IQSEC1: variants seen among roughly 807,000 people sequenced by gnomAD.
IQSEC1 encodes IQ motif and Sec7 domain ArfGEF 1.
IQSEC1 carries 31 observed loss-of-function variants against 91.0 expected under a neutral mutation model. That is an observed-to-expected ratio of 0.34 (90% CI 0.26 to 0.46). IQSEC1 has a LOEUF of 0.46. Ranked by LOEUF, IQSEC1 falls within the 20% of genes least tolerant of loss-of-function variation. The pLI, the probability that IQSEC1 is intolerant of heterozygous loss-of-function variation, is 1.00. For missense variants in IQSEC1, 1,388 were observed against 1,575.6 expected, an observed-to-expected ratio of 0.88 and a Z score of 2.02; for synonymous variants, 699 against 662.6, an observed-to-expected ratio of 1.05 and a Z score of -0.84.
rs1559643838 is a variant in IQSEC1, at chr3:12,936,049, C to G, written c.967G>C (p.Gly323Arg). 6.2e-7 allele frequency: 1 copy of G among 1,604,934 alleles called. No homozygotes were observed. The highest frequency in any genetic ancestry group is 8.5e-7 in the Non-Finnish European group (1 of 1,179,754). The change falls in exon 3 of 14, where the codon GGG (glycine) becomes CGG (arginine). Residue 323 changes from glycine (G) to arginine (R), a missense_variant. Gly to Arg is a moderately radical substitution (Grantham distance 125, BLOSUM62 -2). Transcript: ENST00000613206. ...STESDLRLRA[G>R]GAAPDYWALA... ...GCCCAGTAGTCTGGGGCTGCGCCCC[C>G]AGCCCGTAGCCGCAGGTCCGACTCG...
chr3:13,194,403 G>A (rs536613354), intron 1 of IQSEC1, among the ~76,000 whole-genome samples: 9 of 152,076 alleles, frequency 5.9e-5, no homozygotes, highest in Non-Finnish European at 1.0e-4. Context: ...ACTGGGCTCT[G>A]GGGACACCGC....
chr3:13,270,440 C>T (rs1404414543), intron 1 of IQSEC1, among the ~76,000 whole-genome samples: 2 of 152,176 alleles, frequency 1.3e-5, no homozygotes, highest in Admixed American at 1.3e-4. Flanking sequence ...AGCTTCTGGG[C>T]TGGTTCCTTG....
At chr3:13,256,625 A>T (rs1274231279) in intron 1 of IQSEC1, among the ~76,000 whole-genome samples, 1 of 152,054 alleles carries the variant, frequency 6.6e-6, no homozygotes, top group Non-Finnish European at 1.5e-5. Flanking sequence ...GGGATATCTC[A>T]CTCAACCAAA....
At chr3:13,144,776 G>C (rs911977872) in intron 2 of IQSEC1, among the ~76,000 whole-genome samples, 1 of 152,246 alleles carries the variant, frequency 6.6e-6, no homozygotes, top group African/African-American at 2.4e-5. Context: ...GAAAAGGCCA[G>C]GACTGATAGC....
chr3:13,034,681 C>A (rs534603136), intron 1 of IQSEC1, among the ~76,000 whole-genome samples: 5 of 152,332 alleles, frequency 3.3e-5, no homozygotes, highest in Admixed American at 2.0e-4. Flanking sequence ...GGATTCAGCT[C>A]TGGATGCTTG....
chr3:13,161,372 A>C (rs1376847880), intron 2 of IQSEC1, among the ~76,000 whole-genome samples: 1 of 152,172 alleles, frequency 6.6e-6, no homozygotes, highest in African/African-American at 2.4e-5. Context: ...AGAGGGTAGA[A>C]GCGCTCAGAG....
At position 13,211,124 on chromosome 3, in the gene IQSEC1, C is replaced by G. The variant is rs1259598853; in HGVS notation, c.273-46991G>C. Among the ~76,000 whole-genome samples, 2 of 152,244 alleles carry G rather than the reference C, an allele frequency of 1.3e-5. No homozygotes were observed. The highest frequency in any genetic ancestry group is 2.9e-5 in the Non-Finnish European group (2 of 68,038). ...TGTGCAGTAAAGGTGTGTCGGATGA[C>G]TGAGTGATCTCCACCCTCATGGAGC... On this transcript the variant is annotated intron_variant, in intron 1 of 15. Transcript: ENST00000648114. The surrounding 1 kb of genome is among the most constrained non-coding windows in gnomAD (Gnocchi z 5.3).
At chr3:13,264,463 T>A (rs80182527) in intron 1 of IQSEC1, among the ~76,000 whole-genome samples, 2 of 152,294 alleles carry the variant, frequency 1.3e-5, no homozygotes, top group African/African-American at 4.8e-5. Flanking sequence ...CTAGTTCTCA[T>A]CTGTCTCCAA....
chr3:13,065,090 G>C (rs1705190717), intron 1 of IQSEC1, among the ~76,000 whole-genome samples: 1 of 152,196 alleles, frequency 6.6e-6, no homozygotes, highest in Admixed American at 6.5e-5. Flanking sequence ...CCTTCATGGA[G>C]GCCCCACTGC....
At chr3:13,138,573 C>T (rs115875360) in intron 2 of IQSEC1, among the ~76,000 whole-genome samples, 3,191 of 152,168 alleles carry the variant, frequency 0.021, 56 homozygotes, top group Non-Finnish European at 0.031. Context: ...GCCAGGCTCC[C>T]GGCAGCTTCG....
chr3:13,162,907 T>A (rs114507350), intron 2 of IQSEC1, among the ~76,000 whole-genome samples: 80 of 127,910 alleles, frequency 6.3e-4, no homozygotes, highest in Non-Finnish European at 1.0e-3. Flanking sequence ...CATCCCCCCC[T>A]TATCCCTTTA....
At position 12,909,128 on chromosome 3, in the gene IQSEC1, C is replaced by T; in HGVS notation, c.2578+145G>A. ...TCCTGCAGCCTGGGAACACAGACTGCCCCATCATGTGGCCATAGGGAAGGC... is the reference window on the plus strand; with the variant it reads ...TCCTGCAGCCTGGGAACACAGACTGTCCCATCATGTGGCCATAGGGAAGGC... On this transcript the variant is annotated intron_variant, in intron 11 of 13. Transcript: ENST00000613206. The surrounding 1 kb of genome is among the most constrained non-coding windows in gnomAD (Gnocchi z 4.9). 1 of 823,856 alleles carries T rather than the reference C, an allele frequency of 1.2e-6. No individual in the cohort carries two copies. Among genetic ancestry groups the T allele is most frequent in the Non-Finnish European group, 2.0e-6 (1 of 512,332 alleles). 51.0% of individuals were successfully genotyped at this position (823,856 alleles called of 1,614,324 possible).
Position 13,283,073 on chromosome 3 carries a change from T to TCGGCG in IQSEC1, c.-96_-92dup, listed in dbSNP as rs1037780730. Among the ~76,000 whole-genome samples the TCGGCG allele has an allele frequency of 7.0e-5, 10 of 142,798 alleles. No homozygotes were observed. In the East Asian group the frequency reaches 1.1e-3, roughly 15 times the overall value. The allele number at this position is 142,798 out of a possible 152,430, so 93.7% of individuals were successfully genotyped here. A position where few individuals can be genotyped will look rare whatever the true frequency, so the allele number is the denominator to read the frequency against. On this transcript the variant is annotated 5_prime_UTR_variant, in exon 1 of 16. Coordinates refer to the IQSEC1 transcript ENST00000648114. ...ATGGCTGCGCGGCGGGGACGGCGGC[T>TCGGCG]CGGCGCGGCGCGGGGCTGCCGCGGC...
intron 1 of IQSEC1, among the ~76,000 whole-genome samples, chr3:13,182,613 C>T (rs1166281502): frequency 6.6e-6 from 1 of 151,964 alleles, no homozygotes; most frequent in African/African-American, 2.4e-5. Flanking sequence ...GGAATATTCA[C>T]CAACCAAGAC....
intron 12 of IQSEC1, among the ~76,000 whole-genome samples, chr3:12,903,318 T>C (rs1213996602): frequency 6.6e-6 from 1 of 151,986 alleles, no homozygotes; most frequent in Non-Finnish European, 1.5e-5. Context: ...CCCACCTCCT[T>C]GGCAGGACGA....
intron 1 of IQSEC1, among the ~76,000 whole-genome samples, chr3:13,226,520 G>A (rs1466938945): frequency 1.3e-5 from 2 of 151,922 alleles, no homozygotes; most frequent in Non-Finnish European, 2.9e-5. Flanking sequence ...GGGAGGCCAA[G>A]GCAGGAGGAT....
At chr3:12,993,308 C>T (rs1471310182) in intron 1 of IQSEC1, among the ~76,000 whole-genome samples, 1 of 152,162 alleles carries the variant, frequency 6.6e-6, no homozygotes, top group Non-Finnish European at 1.5e-5. Flanking sequence ...CAGGTTGGAC[C>T]CAGCCCTCCA....
intron 1 of IQSEC1, among the ~76,000 whole-genome samples, chr3:13,170,420 T>C (rs1693584274): frequency 6.6e-6 from 1 of 152,198 alleles, no homozygotes; most frequent in African/African-American, 2.4e-5. Context: ...ACAGAGTCCC[T>C]ACTGGGGCAC....
intron 2 of IQSEC1, among the ~76,000 whole-genome samples, chr3:13,112,490 C>T (rs189619202): frequency 9.2e-5 from 14 of 152,346 alleles, no homozygotes; most frequent in East Asian, 7.7e-4. Context: ...AACAAAGAGA[C>T]GTCCGGAAAA....
Sources: gnomAD v4.1 joint callset for allele counts (sites outside exome capture counted in the v4.1 genomes callset) on GRCh38, gnomAD v4.1.1 for gene constraint, Gnocchi (gnomAD v3.1) non-coding constraint, MANE v1.5 for transcripts, NCBI Gene and HGNC (gene_info 2026-07-23, HGNC 2026-07-21) for gene names.